Variants in LRP1B observed in about 807,000 individuals in gnomAD.
LRP1B encodes the protein low-density lipoprotein receptor-related protein 1B.
Under a neutral mutation model 556.6 loss-of-function variants are expected in LRP1B, and 217 were observed. The ratio of observed to expected loss-of-function variants is 0.39; its 90% confidence interval spans 0.35 to 0.44. The LOEUF (loss-of-function observed/expected upper bound fraction) is 0.44. LRP1B is among the 20% of genes least tolerant of loss of function. The pLI, the probability that LRP1B is intolerant of heterozygous loss-of-function variation, is 1.00. For synonymous variants in LRP1B, 2,047 were observed against 1,865.8 expected, an observed-to-expected ratio of 1.10 and a Z score of -2.50; for missense variants, 5,053 against 5,620.8, an observed-to-expected ratio of 0.90 and a Z score of 3.23.
rs115760776 is a variant in LRP1B, at chr2:140,881,463, T to C, written c.4169+2354A>G. ...TGCTTTATGATGTTTATATAAACTT[T>C]ATATCTTAATCATATTAACCTCTAT... On this transcript the variant is annotated intron_variant, in intron 25 of 90. Coordinates refer to ENST00000389484, the MANE Select transcript of LRP1B (RefSeq NM_018557.3). Among the ~76,000 whole-genome samples the C allele has an allele frequency of 2.1e-3, 315 of 152,232 alleles. 1 individual carries two copies. Among genetic ancestry groups the C allele is most frequent in the African/African-American group, 7.3e-3 (302 of 41,558 alleles).
chr2:141,169,346 T>A (rs868255437), intron 7 of LRP1B, among the ~76,000 whole-genome samples: 1 of 150,502 alleles, frequency 6.6e-6, no homozygotes, highest in African/African-American at 2.4e-5. Flanking sequence ...AAAGAAGAGA[T>A]GGGACGTATG....
rs369283282 is a variant in LRP1B at position 141,133,698 on chromosome 2, C to T, written c.1013+54723G>A. Among the ~76,000 whole-genome samples, 17 of 152,014 alleles carry T rather than the reference C, an allele frequency of 1.1e-4. No homozygotes were observed. In the East Asian group the frequency reaches 1.5e-3, roughly 14 times the overall value. On this transcript the variant is annotated intron_variant, in intron 7 of 90. Transcript: ENST00000389484. ...AACTTATTCTGTACTCCCCTTAGCC[C>T]AATGACAGGCAAGCATTTTTATATG...
At chr2:141,285,786 G>C (rs1685692623) in intron 3 of LRP1B, among the ~76,000 whole-genome samples, 1 of 145,080 alleles carries the variant, frequency 6.9e-6, no homozygotes, top group African/African-American at 2.5e-5. Context: ...AAATGTTCAG[G>C]CCGGGCGCGG....
chr2:141,473,812 T>A (rs1573987660), intron 3 of LRP1B, among the ~76,000 whole-genome samples: 1 of 36,914 alleles, frequency 2.7e-5, no homozygotes, highest in South Asian at 2.7e-3. Context: ...TTGCAAGTGT[T>A]ATGCAACTAT....
intron 18 of LRP1B, among the ~76,000 whole-genome samples, chr2:140,973,882 A>G (rs112587802): frequency 0.013 from 1,908 of 152,242 alleles, 33 homozygotes; most frequent in African/African-American, 0.044. Context: ...TTGAAATTCT[A>G]TACACATTGA....
chr2:141,061,667 A>G (rs113672709), intron 8 of LRP1B, among the ~76,000 whole-genome samples: 5 of 151,834 alleles, frequency 3.3e-5, no homozygotes, highest in Non-Finnish European at 7.4e-5. Flanking sequence ...AATATCTCCA[A>G]CGCCACATGG....
chr2:140,424,528 TAC>T (rs1282449204), intron 66 of LRP1B, among the ~76,000 whole-genome samples: 6 of 152,310 alleles, frequency 3.9e-5, no homozygotes, highest in Admixed American at 2.0e-4. Flanking sequence ...GAAGAAAAGT[TAC>T]AGACATTTTT....
At chr2:140,651,302 T>A (rs1345609282) in intron 41 of LRP1B, among the ~76,000 whole-genome samples, 4 of 122,086 alleles carry the variant, frequency 3.3e-5, no homozygotes, top group Non-Finnish European at 6.3e-5. Context: ...AATTGAACAA[T>A]GAGATCACAT....
chr2:141,999,408 A>T (rs1470357303), intron 1 of LRP1B, among the ~76,000 whole-genome samples: 1 of 152,148 alleles, frequency 6.6e-6, no homozygotes, highest in African/African-American at 2.4e-5. Flanking sequence ...GTAATTATTA[A>T]ATAACCCATT....
chr2:140,421,688 A>G (rs1464212), intron 66 of LRP1B, among the ~76,000 whole-genome samples: 44,947 of 152,178 alleles, frequency 0.3, 6,746 homozygotes, highest in East Asian at 0.46. Context: ...GGTCTAATGT[A>G]AGTTAAGTAC....
intron 3 of LRP1B, among the ~76,000 whole-genome samples, chr2:141,364,510 G>A (rs1688948517): frequency 6.6e-6 from 1 of 152,148 alleles, no homozygotes; most frequent in Non-Finnish European, 1.5e-5. Flanking sequence ...AGGAACTGGA[G>A]TAAGGAATCA....
intron 1 of LRP1B, among the ~76,000 whole-genome samples, chr2:141,859,149 C>A (rs1698161296): frequency 6.6e-6 from 1 of 152,196 alleles, no homozygotes; most frequent in African/African-American, 2.4e-5. Flanking sequence ...TCCTGAAATA[C>A]ATTGCTTCCT....
chr2:141,152,586 C>G (rs1701950807), intron 7 of LRP1B, among the ~76,000 whole-genome samples: 1 of 151,790 alleles, frequency 6.6e-6, no homozygotes, highest in African/African-American at 2.4e-5. Context: ...CACCCTGGCT[C>G]AGACAGGAAA....
At chr2:140,291,335 A>C in intron 84 of LRP1B, among the ~76,000 whole-genome samples, 1 of 44,756 alleles carries the variant, frequency 2.2e-5, no homozygotes. Context: ...TTATACTTTA[A>C]GTTCTAGGGT....
chr2:140,826,346 T>C (rs1363582682), intron 31 of LRP1B, among the ~76,000 whole-genome samples: 1 of 152,156 alleles, frequency 6.6e-6, no homozygotes, highest in Non-Finnish European at 1.5e-5. Flanking sequence ...AGTGCTCTGG[T>C]TTCATCCCAC....
chr2:140,664,184 G>A (rs1685190136), intron 41 of LRP1B, among the ~76,000 whole-genome samples: 1 of 152,106 alleles, frequency 6.6e-6, no homozygotes, highest in Non-Finnish European at 1.5e-5. Flanking sequence ...ATAAGGAAAA[G>A]ACTGAAATAT....
At chr2:140,849,184 G>C (rs1692363431) in intron 29 of LRP1B, among the ~76,000 whole-genome samples, 1 of 111,114 alleles carries the variant, frequency 9.0e-6, no homozygotes, top group Non-Finnish European at 1.7e-5. Context: ...CTGAAACCCT[G>C]TATCTACTAA....
chr2:140,774,213 C>A (rs532607194), intron 33 of LRP1B, among the ~76,000 whole-genome samples: 2 of 151,986 alleles, frequency 1.3e-5, no homozygotes, highest in Non-Finnish European at 2.9e-5. Context: ...TCAGCATATT[C>A]TAGTAAAAAT....
chr2:141,815,521 G>A (rs938012468), intron 1 of LRP1B, among the ~76,000 whole-genome samples: 3 of 152,014 alleles, frequency 2.0e-5, no homozygotes, highest in African/African-American at 7.3e-5. Flanking sequence ...ATTGTAAAAT[G>A]CACCAATCAG....
Sources: gnomAD v4.1 joint callset for allele counts (sites outside exome capture counted in the v4.1 genomes callset) on GRCh38, gnomAD v4.1.1 for gene constraint, MANE v1.5 for transcripts, NCBI Gene and HGNC (gene_info 2026-07-23, HGNC 2026-07-21) for gene names.